Variants in RAVER2 observed in about 807,000 individuals in gnomAD.
RAVER2 encodes the protein ribonucleoprotein PTB-binding 2.
In RAVER2, 46 loss-of-function variants were observed where a neutral mutation model predicts 78.1. That is an observed-to-expected ratio of 0.59 (90% CI 0.46 to 0.75). The LOEUF is 0.75. Among genes scored for constraint, RAVER2 ranks in the 30% least tolerant of loss-of-function variants. The probability of loss-of-function intolerance (pLI) is 0.00; values close to 1 mark genes in which losing one functional copy is unlikely to be tolerated. For synonymous variants in RAVER2, 311 were observed against 313.3 expected, an observed-to-expected ratio of 0.99 and a Z score of 0.08; for missense variants, 793 against 837.5, an observed-to-expected ratio of 0.95 and a Z score of 0.66.
chr1:64,782,217 A>G (rs1190845150), intron 4 of RAVER2, among the ~76,000 whole-genome samples: 1 of 152,180 alleles, frequency 6.6e-6, no homozygotes, highest in Non-Finnish European at 1.5e-5. Context: ...TCTTTATTCA[A>G]GAAGTTTTCA....
intron 5 of RAVER2, among the ~76,000 whole-genome samples, chr1:64,794,176 C>T (rs2478154): frequency 6.7e-4 from 101 of 151,658 alleles, no homozygotes; most frequent in African/African-American, 1.9e-3. Flanking sequence ...TTTGGGAGGT[C>T]GAGGCGAGCG....
chr1:64,753,523 CTTTTTT>C (rs59448781), intron 1 of RAVER2, among the ~76,000 whole-genome samples: 1 of 100,914 alleles, frequency 9.9e-6, no homozygotes. Context: ...GTATAGAATT[CTTTTTT>C]TTTTTTTTTT....
chr1:64,796,560 G>A (rs924210577), intron 5 of RAVER2, among the ~76,000 whole-genome samples: 1 of 152,004 alleles, frequency 6.6e-6, no homozygotes, highest in Non-Finnish European at 1.5e-5. Flanking sequence ...GCATAACATT[G>A]TTCATAGTAT....
At chr1:64,763,474 C>G (rs762832460) in intron 1 of RAVER2, among the ~76,000 whole-genome samples, 14 of 152,104 alleles carry the variant, frequency 9.2e-5, no homozygotes, top group African/African-American at 4.8e-5. Flanking sequence ...ACCATTCCCA[C>G]CAGAATGGCC....
intron 1 of RAVER2, among the ~76,000 whole-genome samples, chr1:64,751,318 A>G (rs924487486): frequency 1.3e-5 from 2 of 152,260 alleles, no homozygotes; most frequent in Non-Finnish European, 2.9e-5. Context: ...ACAAAGCTCC[A>G]GCTTTGTGCA....
At chr1:64,808,482 G>C (rs924015783) in intron 9 of RAVER2, among the ~76,000 whole-genome samples, 2 of 78,782 alleles carry the variant, frequency 2.5e-5, no homozygotes, top group African/African-American at 1.1e-4. Context: ...TTTTTTTTGA[G>C]ACCAAGTCTT....
At chr1:64,806,520 T>C (rs906913288) in intron 8 of RAVER2, among the ~76,000 whole-genome samples, 3 of 152,244 alleles carry the variant, frequency 2.0e-5, no homozygotes, top group Non-Finnish European at 4.4e-5. Flanking sequence ...TAACAAATAC[T>C]GATTTAAAAA....
At chr1:64,748,748 A>G (rs1651612462) in intron 1 of RAVER2, among the ~76,000 whole-genome samples, 1 of 152,222 alleles carries the variant, frequency 6.6e-6, no homozygotes, top group Non-Finnish European at 1.5e-5. Flanking sequence ...TATGAGTTTG[A>G]AAAGCATGAA....
chr1:64,804,803 CA>C lies in RAVER2; in HGVS notation c.1263del (p.Gln421HisfsTer2). ...TTCTCATATACCACTGGCACAACAA[CA>C]ATTAATGAAGTTTGAGAATATTCAT... On this transcript the variant is annotated frameshift_variant, in exon 7 of 12. Transcript: ENST00000294428. LOFTEE classifies it high-confidence loss of function. 1 of 1,558,868 alleles carries C rather than the reference CA, an allele frequency of 6.4e-7. No individual in the cohort carries two copies. Among genetic ancestry groups the C allele is most frequent in the South Asian group, 1.1e-5 (1 of 89,538 alleles).
chr1:64,820,645 C>A (rs1472634077), intron 11 of RAVER2, among the ~76,000 whole-genome samples: 3 of 152,286 alleles, frequency 2.0e-5, no homozygotes, highest in East Asian at 3.9e-4. Flanking sequence ...CTCCCACTTA[C>A]AAGTGAGAAC....
chr1:64,771,454 A>G (rs891640852), intron 2 of RAVER2, among the ~76,000 whole-genome samples: 59 of 152,156 alleles, frequency 3.9e-4, no homozygotes, highest in Non-Finnish European at 4.9e-4. Context: ...AAAATTATAG[A>G]TGGAAATCTG....
intron 11 of RAVER2, among the ~76,000 whole-genome samples, chr1:64,819,389 GA>G (rs1226000599): frequency 1.3e-5 from 2 of 149,718 alleles, no homozygotes; most frequent in African/African-American, 4.9e-5. Flanking sequence ...GGAGAGGCCA[GA>G]AAAAAAAAGG....
At chr1:64,785,085 T>C (rs1414589171) in intron 4 of RAVER2, among the ~76,000 whole-genome samples, 1 of 151,784 alleles carries the variant, frequency 6.6e-6, no homozygotes, top group African/African-American at 2.4e-5. Flanking sequence ...TCACCTTCCT[T>C]AGCATGGCAT....
chr1:64,778,211 A>G, intron 3 of RAVER2, 119 bp downstream of exon 3: 2 of 835,478 alleles, frequency 2.4e-6, no homozygotes, highest in Non-Finnish European at 1.8e-6. Flanking sequence ...TTAATTCTGC[A>G]TCATTCTGTA....
intron 1 of RAVER2, among the ~76,000 whole-genome samples, chr1:64,764,647 T>C (rs1652123585): frequency 6.6e-6 from 1 of 152,146 alleles, no homozygotes; most frequent in Non-Finnish European, 1.5e-5. Context: ...CATAATACAG[T>C]TAACAACAAA....
intron 1 of RAVER2, among the ~76,000 whole-genome samples, chr1:64,750,393 T>A (rs1303815315): frequency 1.3e-5 from 2 of 151,826 alleles, no homozygotes; most frequent in African/African-American, 4.8e-5. Context: ...TACTGCAGCC[T>A]TAACTCCTGG....
chr1:64,763,640 G>A (rs750078276), intron 1 of RAVER2, among the ~76,000 whole-genome samples: 21 of 152,016 alleles, frequency 1.4e-4, no homozygotes, highest in Non-Finnish European at 2.8e-4. Context: ...GGTGGCTCAC[G>A]CCTGTAATCC....
At chr1:64,793,736 C>T (rs1036439802) in intron 5 of RAVER2, among the ~76,000 whole-genome samples, 1 of 152,102 alleles carries the variant, frequency 6.6e-6, no homozygotes, top group Non-Finnish European at 1.5e-5. Flanking sequence ...CTATCCTGTC[C>T]CCAGGAAACC....
chr1:64,774,607 C>A (rs1652411866), intron 2 of RAVER2, among the ~76,000 whole-genome samples: 1 of 152,068 alleles, frequency 6.6e-6, no homozygotes, highest in Admixed American at 6.6e-5. Flanking sequence ...AGTCAGGTAG[C>A]CTGATGCCTC....
Sources: allele counts gnomAD v4.1 joint callset (sites outside exome capture counted in the v4.1 genomes callset), GRCh38; gene constraint gnomAD v4.1.1; transcripts MANE v1.5; gene names NCBI Gene and HGNC (gene_info 2026-07-23, HGNC 2026-07-21).